The following USP24 variants were observed in gnomAD, a reference collection of about 807,000 sequenced individuals.
USP24 encodes ubiquitin specific peptidase 24.
Under a neutral mutation model 361.6 loss-of-function variants are expected in USP24, and 97 were observed. The ratio of observed to expected loss-of-function variants is 0.27; its 90% CI spans 0.23 to 0.32. The LOEUF (loss-of-function observed/expected upper bound fraction) is 0.32. Among genes scored for constraint, USP24 ranks in the 10% least tolerant of loss-of-function variants. The pLI is 1.00. For missense variants in USP24, 2,353 were observed against 3,165.6 expected (o/e 0.74, Z 6.16); for synonymous variants, 1,098 against 1,124.6 (o/e 0.98, Z 0.47).
chr1:55,140,879 TTCTCCTATA>T (rs1265028596), intron 24 of USP24, among the ~76,000 whole-genome samples: 24 of 152,322 alleles, frequency 1.6e-4, no homozygotes, highest in Middle Eastern at 3.4e-3. Context: ...TATGCATGGT[TTCTCCTATA>T]TCTCCTATTC....
At chr1:55,152,007 C>G in intron 16 of USP24, 2 of 985,396 alleles carry the variant, frequency 2.0e-6, no homozygotes, top group Non-Finnish European at 2.4e-6. Flanking sequence ...TAGAAAAACA[C>G]CTTTAGTGGA....
chr1:55,146,899 CT>C, intron 19 of USP24, 29 bp downstream of exon 19: 1 of 1,607,616 alleles, frequency 6.2e-7, no homozygotes, highest in South Asian at 1.1e-5. Flanking sequence ...ATATTTCTGC[CT>C]TACTTTATCC....
At chr1:55,069,985 C>G (rs913529214) in intron 67 of USP24, among the ~76,000 whole-genome samples, 1 of 151,440 alleles carries the variant, frequency 6.6e-6, no homozygotes, top group Admixed American at 6.6e-5. Flanking sequence ...TCATACAAAG[C>G]CTTTGAAAGG....
At chr1:55,183,767 AAT>A (rs1644044688) in intron 1 of USP24, among the ~76,000 whole-genome samples, 1 of 152,188 alleles carries the variant, frequency 6.6e-6, no homozygotes. Context: ...CATCAAACAC[AAT>A]TTAGACAAAG....
chr1:55,179,032 A>C (rs1650299403), intron 1 of USP24, among the ~76,000 whole-genome samples: 1 of 152,162 alleles, frequency 6.6e-6, no homozygotes, highest in Non-Finnish European at 1.5e-5. Flanking sequence ...TCATCTCCAC[A>C]CCACTGACTC....
At chr1:55,159,577 C>T in intron 9 of USP24, 34 bp downstream of exon 9, 2 of 1,540,148 alleles carry the variant, frequency 1.3e-6, no homozygotes, top group South Asian at 2.4e-5. Flanking sequence ...AACTAACTGG[C>T]ACTGGGGCCT....
At chr1:55,155,934 T>C (rs766824770) in intron 12 of USP24, among the ~76,000 whole-genome samples, 7 of 152,184 alleles carry the variant, frequency 4.6e-5, no homozygotes, top group Non-Finnish European at 1.0e-4. Context: ...TTCTTTTTGC[T>C]TCTCCAACAT....
In USP24 at chr1:55,178,107, G is replaced by A. The variant is rs1650169178; in HGVS notation, c.350C>T (p.Ser117Leu). The change falls in exon 2 of 68, where the codon TCA becomes TTA. Residue 117 changes from serine (S) to leucine (L), a missense_variant. Ser to Leu is a moderately radical substitution (Grantham distance 145, BLOSUM62 -2). Transcript: ENST00000294383. ...TGTAGGGAATTCAATTCCTTCCCCT[G>A]AGCAGTTTCCATTCTCATCATTCTT... Reference protein sequence around the residue: ...AEKNDENGNCSGEGIEFPTTN... With the variant: ...AEKNDENGNCLGEGIEFPTTN... The A allele has an allele frequency of 1.3e-6, 2 of 1,551,232 alleles. No homozygotes were observed. Among genetic ancestry groups the A allele is most frequent in the East Asian group, 2.4e-5 (1 of 40,904 alleles).
intron 8 of USP24, among the ~76,000 whole-genome samples, chr1:55,160,335 G>T (rs74073057): frequency 0.034 from 5,249 of 152,294 alleles, 287 homozygotes; most frequent in African/African-American, 0.12. Context: ...CAGTTATCCA[G>T]ATAGAATTTC....
rs574861267 is a variant in USP24, at chr1:55,067,003, T to C, written c.*2042A>G. The C allele has an allele frequency of 1.3e-5, 2 of 152,322 alleles. No homozygotes were observed. The highest frequency in any genetic ancestry group is 1.9e-4 in the East Asian group (1 of 5,188). The allele number at this position is 152,322 out of a possible 1,614,324, so 9.4% of individuals were successfully genotyped here. ...ACCAGCAAAGTGAAAACGATGGTCA[T>C]TGCAGCAACAATATAAGCAACATGA... On this transcript the variant is annotated 3_prime_UTR_variant, in exon 68 of 68. Transcript: ENST00000294383.
intron 60 of USP24, among the ~76,000 whole-genome samples, chr1:55,079,205 T>C (rs984158101): frequency 6.6e-6 from 1 of 151,704 alleles, no homozygotes; most frequent in Admixed American, 6.6e-5. Context: ...TGGTTCAGAG[T>C]TGTAGTATTC....
At position 55,132,657 on chromosome 1, in the gene USP24, G is replaced by A. The variant is rs1277658204; in HGVS notation, c.3425C>T (p.Pro1142Leu). 1 of 1,613,592 alleles carries A rather than the reference G, an allele frequency of 6.2e-7. No homozygotes were observed. The highest frequency in any genetic ancestry group is 1.7e-5 in the Admixed American group (1 of 59,914). The part of the protein sequence containing the change: ...SESSSQSSKS[P>L]SLSSKQQHQP... ...GTGCTGTTGCTTTGATGACAGGGAT[G>A]GAGATTTTGAGGACTGAGAACTTGA... The change falls in exon 31 of 68, where the codon CCA (proline) becomes CTA (leucine). Residue 1142 changes from proline (P) to leucine (L), a missense_variant. Physicochemically the swap from Pro to Leu is moderately conservative, Grantham distance 98. Around this residue, in one of 8 missense-constraint regions of USP24, gnomAD observed 949 missense variants for 1,280.5 expected, o/e 0.74. Transcript: ENST00000294383.
At chr1:55,129,448 C>G in intron 32 of USP24, 29 bp downstream of exon 32, 2 of 1,595,056 alleles carry the variant, frequency 1.3e-6, no homozygotes, top group Non-Finnish European at 1.7e-6. Context: ...TTTTCGGCAA[C>G]TCATGTAACA....
At chr1:55,139,103 T>C (rs1557621693) in intron 24 of USP24, 93 bp from the exon 25 acceptor site, 1 of 1,138,710 alleles carries the variant, frequency 8.8e-7, no homozygotes, top group Non-Finnish European at 1.3e-6. Flanking sequence ...ACAATAACAG[T>C]TAGCACTCAC....
intron 64 of USP24, 25 bp downstream of exon 64, chr1:55,073,803 C>T: frequency 6.5e-7 from 1 of 1,548,668 alleles, no homozygotes; most frequent in East Asian, 2.4e-5. Flanking sequence ...ACCATTTCCT[C>T]CCTGCATTTT....
At position 55,100,496 on chromosome 1, in the gene USP24, C is replaced by CA. The variant is rs745622003; in HGVS notation, c.5271+342dup. On this transcript the variant is annotated intron_variant, in intron 44 of 67. Coordinates refer to ENST00000294383, the MANE Select transcript of USP24 (RefSeq NM_015306.3). ...GGGCAACAAGAGCGAAACTCCGTCT[C>CA]AAAAAAAAAAAAAAAGTGTTCTTTA... Among the ~76,000 whole-genome samples, 1,859 of 88,082 alleles carry CA rather than the reference C, an allele frequency of 0.021. 91 individuals are homozygous for CA. The East Asian group carries it at 0.21, about 10-fold the overall frequency. The allele number at this position is 88,082 out of a possible 152,430, so 57.8% of individuals were successfully genotyped here.
At chr1:55,120,796 C>T (rs763244755) in intron 37 of USP24, 40 bp from the exon 38 acceptor site, 64 of 1,518,530 alleles carry the variant, frequency 4.2e-5, no homozygotes, top group Non-Finnish European at 5.6e-5. Context: ...AGACATGAAT[C>T]AACATGTTGA....
intron 1 of USP24, among the ~76,000 whole-genome samples, chr1:55,209,628 T>A (rs1254748062): frequency 6.6e-6 from 1 of 152,222 alleles, no homozygotes; most frequent in African/African-American, 2.4e-5. Context: ...TTGAACTGTA[T>A]TTTTTGTTAA....
chr1:55,095,225 C>T, intron 51 of USP24, 30 bp downstream of exon 51: 1 of 1,608,360 alleles, frequency 6.2e-7, no homozygotes. Flanking sequence ...ATAGAAATCA[C>T]ACAGCAAATT....
Sources: gnomAD v4.1 joint callset for allele counts (sites outside exome capture counted in the v4.1 genomes callset) on GRCh38, gnomAD v4.1.1 for gene constraint, gnomAD v4.1.1 regional missense constraint, MANE v1.5 for transcripts, NCBI Gene and HGNC (gene_info 2026-07-23, HGNC 2026-07-21) for gene names.